The following CUBN variants were observed in gnomAD, a reference collection of about 807,000 sequenced individuals.
The protein encoded by CUBN is cubilin.
CUBN carries 282 observed loss-of-function variants against 405.3 expected under a neutral mutation model. The observed-to-expected ratio is 0.70, with a 90% CI of 0.63 to 0.77. The LOEUF (loss-of-function observed/expected upper bound fraction) is 0.77. CUBN is among the 30% of genes least tolerant of loss of function. The probability of loss-of-function intolerance (pLI) is 0.00; values close to 1 mark genes in which losing one functional copy is unlikely to be tolerated. For synonymous variants in CUBN, 1,684 were observed against 1,617.0 expected (o/e 1.04, Z -0.99); for missense variants, 4,514 against 4,475.2 (o/e 1.01, Z -0.25).
chr10:17,021,741 C>G (rs1372633968), intron 27 of CUBN, among the ~76,000 whole-genome samples: 4 of 152,178 alleles, frequency 2.6e-5, no homozygotes, highest in Non-Finnish European at 1.5e-5. Context: ...CTCCATGGAG[C>G]CGCCCCTAAT....
At chr10:17,105,423 T>C (rs750419744) in intron 11 of CUBN, 34 bp downstream of exon 11, 11 of 1,166,282 alleles carry the variant, frequency 9.4e-6, no homozygotes, top group Middle Eastern at 3.8e-4. Context: ...AATTCTCAGG[T>C]ACTCTCTGTC....
At chr10:17,045,384 G>T (rs1424467598) in intron 24 of CUBN, among the ~76,000 whole-genome samples, 196 bp from the exon 25 acceptor site, 1 of 146,284 alleles carries the variant, frequency 6.8e-6, no homozygotes, top group Admixed American at 6.8e-5. Context: ...TTTTGAGATG[G>T]AGTCTCACTG....
At chr10:16,907,823 G>T (rs998957719) in intron 48 of CUBN, 144 bp from the exon 49 acceptor site, 9 of 819,976 alleles carry the variant, frequency 1.1e-5, no homozygotes, top group African/African-American at 1.7e-5. Context: ...GGTTTCTATC[G>T]CAGTGCCACA....
At chr10:16,972,119 G>A (rs1176142955) in intron 31 of CUBN, among the ~76,000 whole-genome samples, 1 of 151,924 alleles carries the variant, frequency 6.6e-6, no homozygotes, top group Non-Finnish European at 1.5e-5. Flanking sequence ...CTCTCTTCTG[G>A]TTCTCCACCA....
At chr10:16,842,751 A>G (rs1839391868) in intron 60 of CUBN, among the ~76,000 whole-genome samples, 1 of 152,308 alleles carries the variant, frequency 6.6e-6, no homozygotes, top group Admixed American at 6.5e-5. Context: ...CATTGCACCT[A>G]AAGTAAAATT....
At chr10:16,831,145 A>C in intron 65 of CUBN, 107 bp downstream of exon 65, 2 of 954,922 alleles carry the variant, frequency 2.1e-6, no homozygotes, top group Non-Finnish European at 3.4e-6. Context: ...AACATAAACT[A>C]ATCAGGTACA....
At chr10:17,088,401 G>T in intron 14 of CUBN, 56 bp from the exon 15 acceptor site, 3 of 1,457,266 alleles carry the variant, frequency 2.1e-6, no homozygotes, top group East Asian at 2.3e-5. Flanking sequence ...AATTTATGGA[G>T]AATGATCAGA....
chr10:17,082,646 G>A (rs943498487), intron 17 of CUBN, among the ~76,000 whole-genome samples: 3 of 152,248 alleles, frequency 2.0e-5, no homozygotes, highest in South Asian at 4.1e-4. Context: ...TCTCGTGATC[G>A]GAGAGCCAGG....
At chr10:16,861,624 G>C (rs1180696027) in intron 59 of CUBN, among the ~76,000 whole-genome samples, 1 of 152,010 alleles carries the variant, frequency 6.6e-6, no homozygotes, top group Non-Finnish European at 1.5e-5. Flanking sequence ...AAGACTCAGA[G>C]TGGATAAGTA....
At position 17,114,197 on chromosome 10, in the gene CUBN, G is replaced by T. The variant is rs752657284; in HGVS notation, c.721-8C>A. 19 of 1,613,424 alleles carry T rather than the reference G, an allele frequency of 1.2e-5. No individual in the cohort carries two copies. In the South Asian group the frequency reaches 2.1e-4, roughly 18 times the overall value. On this transcript the variant is annotated splice_polypyrimidine_tract_variant and splice_region_variant and intron_variant, in intron 7 of 66. Coordinates refer to ENST00000377833, the MANE Select transcript of CUBN (RefSeq NM_001081.4). ...GACGCAGCTGTACTTGGGCTGGCAG[G>T]ATGACAACAGCGTGAATAAAGACAA... is the stretch of plus-strand genomic sequence containing the variant.
intron 60 of CUBN, 86 bp from the exon 61 acceptor site, chr10:16,841,133 G>A: frequency 8.8e-7 from 1 of 1,139,936 alleles, no homozygotes; most frequent in East Asian, 2.5e-5. Context: ...GTTGCAATAG[G>A]TCACGGTAAA....
intron 57 of CUBN, among the ~76,000 whole-genome samples, chr10:16,874,791 G>C (rs958561455): frequency 6.6e-6 from 1 of 152,080 alleles, no homozygotes; most frequent in African/African-American, 2.4e-5. Flanking sequence ...TGAAAATGAC[G>C]AGCAGGAACA....
intron 7 of CUBN, among the ~76,000 whole-genome samples, chr10:17,114,950 T>C (rs1836855201): frequency 6.6e-6 from 1 of 152,136 alleles, no homozygotes; most frequent in African/African-American, 2.4e-5. Flanking sequence ...ATAATAAAAA[T>C]GGTCCCATTT....
chr10:17,016,660 A>C (rs1403471167), intron 28 of CUBN, among the ~76,000 whole-genome samples: 2 of 152,144 alleles, frequency 1.3e-5, no homozygotes, highest in African/African-American at 4.8e-5. Context: ...CTTCCCCTAC[A>C]GCTTGAAGGG....
chr10:16,896,482 T>C (rs1298984788), intron 54 of CUBN, among the ~76,000 whole-genome samples: 3 of 152,208 alleles, frequency 2.0e-5, no homozygotes, highest in African/African-American at 7.2e-5. Flanking sequence ...GAAGAATATA[T>C]TGTCAATTCA....
At chr10:17,102,923 G>C (rs1299658141) in intron 13 of CUBN, among the ~76,000 whole-genome samples, 1 of 151,852 alleles carries the variant, frequency 6.6e-6, no homozygotes, top group Non-Finnish European at 1.5e-5. Flanking sequence ...CAGCCCCTGT[G>C]ACTTATTTCA....
intron 43 of CUBN, among the ~76,000 whole-genome samples, chr10:16,924,098 T>A (rs80245973): frequency 8.8e-6 from 1 of 113,110 alleles, no homozygotes; most frequent in East Asian, 2.2e-4. Context: ...GAGTCTATTA[T>A]AAACAAAAAC....
chr10:17,047,522 C>T lies in CUBN; in HGVS notation c.3221G>A (p.Cys1074Tyr). 2 of 1,613,596 alleles carry T rather than the reference C, an allele frequency of 1.2e-6. No homozygotes were observed. Among genetic ancestry groups the T allele is most frequent in the Non-Finnish European group, 1.7e-6 (2 of 1,179,530 alleles). Residue 1074 changes from cysteine (C) to tyrosine (Y), a missense_variant, in exon 23 of 67, where the codon TGC becomes TAC. Coordinates refer to ENST00000377833, the MANE Select transcript of CUBN (RefSeq NM_001081.4). ...FPNNYPNNWE[C>Y]IYRITVRTGQ... ...AGTTCTCACTGTGATCCGATAAATG[C>T]ATTCCCAGTTGTTGGGATAATTATT... is the stretch of plus-strand genomic sequence containing the variant.
chr10:16,959,187 C>T lies in CUBN; in HGVS notation c.4696-4639G>A, dbSNP rs556712681. Among the ~76,000 whole-genome samples, 137 of 152,232 alleles carry T rather than the reference C, an allele frequency of 9.0e-4. 1 individual carries two copies. In the Middle Eastern group the frequency reaches 0.01, roughly 11 times the overall value. Reference sequence around the variant, plus strand: ...GAACTTGGAGGGGACACATTCAAACCGTAGCATTATAGTTATTAAGTTTTA... The same window carrying T: ...GAACTTGGAGGGGACACATTCAAACTGTAGCATTATAGTTATTAAGTTTTA... On this transcript the variant is annotated intron_variant, in intron 31 of 66. Transcript: ENST00000377833.
Sources: gnomAD v4.1 joint callset for allele counts (sites outside exome capture counted in the v4.1 genomes callset) on GRCh38, gnomAD v4.1.1 for gene constraint, MANE v1.5 for transcripts, NCBI Gene and HGNC (gene_info 2026-07-23, HGNC 2026-07-21) for gene names.